GZMM: variants seen among roughly 807,000 people sequenced by gnomAD.
GZMM encodes the protein granzyme M.
A neutral mutation model predicts 19.2 loss-of-function variants in GZMM; 23 were observed. The observed-to-expected ratio is 1.20, with a 90% CI of 0.86 to 1.69. The LOEUF is 1.69. Among genes scored for constraint, GZMM ranks in the 40% most tolerant of loss-of-function variants. The pLI is 0.00. For synonymous variants in GZMM, 178 were observed against 160.2 expected, an observed-to-expected ratio of 1.11 and a Z score of -0.84; for missense variants, 373 against 352.2, an observed-to-expected ratio of 1.06 and a Z score of -0.47.
At position 548,571 on chromosome 19, in the gene GZMM, T is replaced by G; in HGVS notation, c.242T>G (p.Leu81Arg). 1 of 1,613,230 alleles carries G rather than the reference T, an allele frequency of 6.2e-7. No individual in the cohort carries two copies. The highest frequency in any genetic ancestry group is 8.5e-7 in the Non-Finnish European group (1 of 1,179,628). ...RMAQLRLVLG[L>R]HTLDSPGLTF... is the part of the protein sequence containing the mutation. ...GCCCAGCTGAGGCTGGTGCTGGGGC[T>G]CCACACCCTGGACAGCCCCGGTCTC... The change falls in exon 3 of 5, where the codon CTC (leucine) becomes CGC (arginine). Residue 81 changes from leucine to arginine, a missense_variant. By Grantham distance (102) the Leu-to-Arg change is moderately radical (BLOSUM62 -2). Coordinates refer to ENST00000264553, the MANE Select transcript of GZMM (RefSeq NM_005317.4).
At chr19:545,451 G>A (rs1240858656) in intron 1 of GZMM, among the ~76,000 whole-genome samples, 3 of 152,152 alleles carry the variant, frequency 2.0e-5, no homozygotes, top group South Asian at 4.1e-4. Context: ...GGTTTCAAGC[G>A]ATTCTCCTGC....
At chr19:546,774 C>G (rs1466955123) in intron 1 of GZMM, among the ~76,000 whole-genome samples, 8 of 151,730 alleles carry the variant, frequency 5.3e-5, no homozygotes, top group Non-Finnish European at 1.5e-5. Context: ...GGAGGCGGAG[C>G]TTGCAGTGAG....
At chr19:548,776 C>CGCGCTGCCGACCCTCCCCCA (rs1980389735) in intron 3 of GZMM, 99 bp downstream of exon 3, 2 of 863,338 alleles carry the variant, frequency 2.3e-6, no homozygotes, top group Admixed American at 2.3e-5. Flanking sequence ...ACCCTCCCCC[C>CGCGCTGCCGACCCTCCCCCA]GCACTGCTGC....
At chr19:548,412 C>A (rs1435561258) in intron 2 of GZMM, 130 bp from the exon 3 acceptor site, 1 of 885,492 alleles carries the variant, frequency 1.1e-6, no homozygotes, top group Non-Finnish European at 1.7e-6. Context: ...ACTGGCCAAG[C>A]CAAGGCCTGT....
At position 548,652 on chromosome 19, in the gene GZMM, T is replaced by C. The variant is rs1461349632; in HGVS notation, c.323T>C (p.Leu108Pro). 3.1e-6 allele frequency: 5 copies of C among 1,613,120 alleles called. No homozygotes were observed. Among genetic ancestry groups the C allele is most frequent in the Non-Finnish European group, 4.2e-6 (5 of 1,179,728 alleles). Reference sequence around the variant, plus strand: ...CCTCGCTACAAGCCCGTCCCTGCCCTGGAGAACGACCTCGCGCTGCTTCAG... The same window carrying C: ...CCTCGCTACAAGCCCGTCCCTGCCCCGGAGAACGACCTCGCGCTGCTTCAG... ...QHPRYKPVPA[L>P]ENDLALLQLD... is the part of the protein sequence containing the mutation. The change falls in exon 3 of 5, where the codon CTG becomes CCG. Residue 108 changes from leucine to proline, a missense_variant. Physicochemically the swap from Leu to Pro is moderately conservative, Grantham distance 98. Coordinates refer to ENST00000264553, the MANE Select transcript of GZMM (RefSeq NM_005317.4).
intron 4 of GZMM, 109 bp downstream of exon 4, chr19:549,294 A>G: frequency 6.5e-6 from 6 of 920,694 alleles, no homozygotes; most frequent in South Asian, 1.7e-5. Flanking sequence ...GAGTCCTGTC[A>G]GGGGCTGGGG....
At chr19:544,706 ATCCCTCCCTCCCTCCC>A (rs74697484) in intron 1 of GZMM, among the ~76,000 whole-genome samples, 3 of 101,724 alleles carry the variant, frequency 2.9e-5, no homozygotes, top group Non-Finnish European at 4.1e-5. Flanking sequence ...TGGGTCCATC[ATCCCTCCCTCCCTCCC>A]TCCCTCCCTC....
chr19:545,238 C>T (rs1254389489), intron 1 of GZMM, among the ~76,000 whole-genome samples: 2 of 151,010 alleles, frequency 1.3e-5, no homozygotes, highest in Admixed American at 6.6e-5. Context: ...ACACGGAGGG[C>T]AAGAGGGCGG....
chr19:545,295 G>A (rs1003616124), intron 1 of GZMM, among the ~76,000 whole-genome samples: 5 of 152,132 alleles, frequency 3.3e-5, no homozygotes, highest in South Asian at 2.1e-4. Flanking sequence ...GGAGGAAGCC[G>A]GTGGGGGAAA....
chr19:545,267 A>C, intron 1 of GZMM, among the ~76,000 whole-genome samples: 1 of 152,140 alleles, frequency 6.6e-6, no homozygotes. Flanking sequence ...CCGTTGCAGG[A>C]GACGAGCATA....
rs542623279 is a variant in GZMM, at chr19:549,645, C to A, written c.628C>A (p.Pro210Thr). ...QAPCKGDSGG[P>T]LVCGKGRVLA... ...GTCCCTGCAGGGTGACTCGGGCGGG[C>A]CCCTGGTGTGTGGCAAAGGCCGGGT... Residue 210 changes from proline (P) to threonine (T), a missense_variant, in exon 5 of 5, where the codon CCC becomes ACC. Transcript: ENST00000264553. 4 of 1,612,356 alleles carry A rather than the reference C, an allele frequency of 2.5e-6. No homozygotes were observed. The highest frequency in any genetic ancestry group is 3.4e-6 in the Non-Finnish European group (4 of 1,179,636).
intron 1 of GZMM, 77 bp downstream of exon 1, chr19:544,203 G>C (rs565855698): frequency 8.0e-7 from 1 of 1,252,004 alleles, no homozygotes; most frequent in African/African-American, 1.5e-5. Flanking sequence ...AGGGGTGGGC[G>C]CGGGCGCCGA....
In GZMM at chr19:547,333, C is replaced by T. The variant is rs148691419; in HGVS notation, c.109C>T (p.Arg37Cys). The T allele has an allele frequency of 1.1e-4, 171 of 1,577,504 alleles. No homozygotes were observed. In the African/African-American group the frequency reaches 1.4e-3, roughly 13 times the overall value. ...IGGREVIPHS[R>C]PYMASLQRNG... ...GGGCCGGGAGGTGATCCCCCACTCGCGCCCGTACATGGCCTCACTGCAGAG... is the reference window on the plus strand; with the variant it reads ...GGGCCGGGAGGTGATCCCCCACTCGTGCCCGTACATGGCCTCACTGCAGAG... Residue 37 changes from arginine to cysteine, a missense_variant, in exon 2 of 5, where the codon CGC becomes TGC. Physicochemically the swap from Arg to Cys is radical, Grantham distance 180 (BLOSUM62 -3). Transcript: ENST00000264553.
Position 549,645 on chromosome 19 carries a change from C to G in GZMM, c.628C>G (p.Pro210Ala), listed in dbSNP as rs542623279. Residue 210 changes from proline (P) to alanine (A), a missense_variant, in exon 5 of 5, where the codon CCC (proline) becomes GCC (alanine). By Grantham distance (27) the Pro-to-Ala change is conservative. Transcript: ENST00000264553. ...QAPCKGDSGG[P>A]LVCGKGRVLA... ...GTCCCTGCAGGGTGACTCGGGCGGG[C>G]CCCTGGTGTGTGGCAAAGGCCGGGT... 45 of 1,612,474 alleles carry G rather than the reference C, an allele frequency of 2.8e-5. No homozygotes were observed. The East Asian group carries it at 5.6e-4, about 20-fold the overall frequency.
At chr19:544,388 G>A (rs766554803) in intron 1 of GZMM, among the ~76,000 whole-genome samples, 19 of 152,142 alleles carry the variant, frequency 1.2e-4, no homozygotes, top group Admixed American at 6.5e-4. Flanking sequence ...CAGGGGTCAC[G>A]CTCACACCCG....
At chr19:548,408 C>T (rs941290788) in intron 2 of GZMM, 134 bp from the exon 3 acceptor site, 4 of 847,250 alleles carry the variant, frequency 4.7e-6, no homozygotes, top group Non-Finnish European at 7.4e-6. Context: ...AAGGACTGGC[C>T]AAGCCAAGGC....
chr19:547,337 C>T lies in GZMM; in HGVS notation c.113C>T (p.Pro38Leu), dbSNP rs769729181. 4.4e-6 allele frequency: 7 copies of T among 1,577,688 alleles called. No homozygotes were observed. The highest frequency in any genetic ancestry group is 3.6e-5 in the Admixed American group (2 of 55,468). The change falls in exon 2 of 5, where the codon CCG becomes CTG. Residue 38 changes from proline (P) to leucine (L), a missense_variant. Physicochemically the swap from Pro to Leu is moderately conservative, Grantham distance 98. Coordinates refer to ENST00000264553, the MANE Select transcript of GZMM (RefSeq NM_005317.4). The stretch of plus-strand genomic sequence containing the variant: ...CGGGAGGTGATCCCCCACTCGCGCC[C>T]GTACATGGCCTCACTGCAGAGAAAT... ...GGREVIPHSR[P>L]YMASLQRNGS...
Position 547,341 on chromosome 19 carries a change from C to T in GZMM, c.117C>T (p.Tyr39=), listed in dbSNP as rs763030017. The change falls in exon 2 of 5, where the codon TAC becomes TAT. Residue 39 remains tyrosine (Y), a synonymous_variant. Coordinates refer to ENST00000264553, the MANE Select transcript of GZMM (RefSeq NM_005317.4). ...GREVIPHSRP[Y]MASLQRNGSH... is the part of the protein sequence containing the mutation. The stretch of plus-strand genomic sequence containing the variant: ...AGGTGATCCCCCACTCGCGCCCGTA[C>T]ATGGCCTCACTGCAGAGAAATGGCT... 2.2e-5 allele frequency: 34 copies of T among 1,579,778 alleles called. No homozygotes were observed. Among genetic ancestry groups the T allele is most frequent in the Non-Finnish European group, 2.8e-5 (33 of 1,164,620 alleles).
chr19:547,687 G>A (rs932970198), intron 2 of GZMM, among the ~76,000 whole-genome samples: 1 of 152,182 alleles, frequency 6.6e-6, no homozygotes, highest in Non-Finnish European at 1.5e-5. Context: ...CTCCTTTCAC[G>A]GCTGAGCCAC....
Sources: gnomAD v4.1 joint callset for allele counts (sites outside exome capture counted in the v4.1 genomes callset) on GRCh38, gnomAD v4.1.1 for gene constraint, MANE v1.5 for transcripts, NCBI Gene and HGNC (gene_info 2026-07-23, HGNC 2026-07-21) for gene names.